MGAT4A: variants seen among roughly 807,000 people sequenced by gnomAD.
MGAT4A encodes the protein N-acetylglucosaminyltransferase IVa.
A neutral mutation model predicts 74.1 loss-of-function variants in MGAT4A; 33 were observed. The observed-to-expected ratio is 0.45, with a 90% CI of 0.34 to 0.60. MGAT4A has a LOEUF of 0.60. Among genes scored for constraint, MGAT4A ranks in the 20% least tolerant of loss-of-function variants. The pLI is 0.02. For missense variants in MGAT4A, 479 were observed against 628.3 expected (o/e 0.76, Z 2.54); for synonymous variants, 198 against 210.4 (o/e 0.94, Z 0.51).
At chr2:98,704,143 C>T (rs113026133) in intron 2 of MGAT4A, among the ~76,000 whole-genome samples, 6 of 152,172 alleles carry the variant, frequency 3.9e-5, no homozygotes, top group African/African-American at 1.2e-4. Context: ...ACCTAGTACA[C>T]GCTCAATAAA....
At chr2:98,678,643 A>G (rs557755523) in intron 2 of MGAT4A, among the ~76,000 whole-genome samples, 172 bp from the exon 3 acceptor site, 7 of 152,288 alleles carry the variant, frequency 4.6e-5, no homozygotes, top group African/African-American at 1.7e-4. Flanking sequence ...CAAAGTTTAT[A>G]TGCTCTTATT....
At chr2:98,644,652 A>G (rs921537215) in intron 9 of MGAT4A, among the ~76,000 whole-genome samples, 7 of 146,952 alleles carry the variant, frequency 4.8e-5, no homozygotes, top group Admixed American at 4.1e-4. Flanking sequence ...TTTTTTTTTT[A>G]GATTGAGTCT....
chr2:98,632,713 C>T (rs1701258943), intron 14 of MGAT4A, among the ~76,000 whole-genome samples: 1 of 152,218 alleles, frequency 6.6e-6, no homozygotes, highest in Admixed American at 6.5e-5. Context: ...CTTGGAGTGA[C>T]ACCTTGCTTT....
intron 13 of MGAT4A, among the ~76,000 whole-genome samples, chr2:98,635,794 C>T (rs1701309921): frequency 6.6e-6 from 1 of 151,654 alleles, no homozygotes; most frequent in South Asian, 2.1e-4. Flanking sequence ...AGATCAAGAC[C>T]ATCCTGGCCA....
intron 14 of MGAT4A, among the ~76,000 whole-genome samples, chr2:98,627,806 T>C (rs1326735026): frequency 6.6e-6 from 1 of 152,242 alleles, no homozygotes; most frequent in Non-Finnish European, 1.5e-5. Context: ...TGAACTGCTG[T>C]GTGGCAGGGC....
intron 10 of MGAT4A, among the ~76,000 whole-genome samples, chr2:98,640,910 T>C (rs1701398065): frequency 6.6e-6 from 1 of 152,214 alleles, no homozygotes; most frequent in African/African-American, 2.4e-5. Flanking sequence ...ATAATGAATT[T>C]GCAAATTATA....
At chr2:98,671,227 G>A (rs896086907) in intron 4 of MGAT4A, among the ~76,000 whole-genome samples, 13 of 152,060 alleles carry the variant, frequency 8.5e-5, no homozygotes, top group Admixed American at 2.6e-4. Context: ...CTGCTACCTC[G>A]TCCAAGTTCC....
chr2:98,640,177 G>T lies in MGAT4A; in HGVS notation c.1072C>A (p.Leu358Ile). ...ANLRIRFRPSLFQHVGLHSSL... is the reference protein window; with the variant it reads ...ANLRIRFRPSIFQHVGLHSSL... ...GAGTGCAGACCAACATGTTGGAAAA[G>T]GGAAGGTCTGAAGCGAATTCGCAGA... The change falls in exon 11 of 16, where the codon CTT becomes ATT. Residue 358 changes from leucine to isoleucine, a missense_variant. Leu to Ile is a conservative substitution (Grantham distance 5, BLOSUM62 2). Transcript: ENST00000393487. 6.2e-7 allele frequency: 1 copy of T among 1,614,022 alleles called. No homozygotes were observed. Among genetic ancestry groups the T allele is most frequent in the Non-Finnish European group, 8.5e-7 (1 of 1,179,958 alleles).
At chr2:98,649,243 C>T (rs996195751) in intron 8 of MGAT4A, among the ~76,000 whole-genome samples, 3 of 152,204 alleles carry the variant, frequency 2.0e-5, no homozygotes, top group Non-Finnish European at 4.4e-5. Context: ...TCAGACAGTA[C>T]ATACAGCATG....
At position 98,623,004 on chromosome 2, in the gene MGAT4A, C is replaced by T. The variant is rs954558672; in HGVS notation, c.*2562G>A. On this transcript the variant is annotated 3_prime_UTR_variant, in exon 16 of 16. Coordinates refer to ENST00000393487, the MANE Select transcript of MGAT4A (RefSeq NM_012214.3). Reference sequence around the variant, plus strand: ...CTGCACTCCAGCCTGGGCAACAAAGCGAGACCCTGTCTCAAAAATAATACA... The same window carrying T: ...CTGCACTCCAGCCTGGGCAACAAAGTGAGACCCTGTCTCAAAAATAATACA... 12 of 983,996 alleles carry T rather than the reference C, an allele frequency of 1.2e-5. No individual in the cohort carries two copies. The highest frequency in any genetic ancestry group is 1.8e-5 in the African/African-American group (1 of 57,140). The allele number at this position is 983,996 out of a possible 1,614,324, so 61.0% of individuals were successfully genotyped here. A position where few individuals can be genotyped will look rare whatever the true frequency, so the allele number is the denominator to read the frequency against.
rs961224963 is a variant in MGAT4A, at chr2:98,619,416, C to G, written c.*6150G>C. ...TCTGGTACAACCTGGCAAGGAGATT[C>G]CTCAGGCAGCTTCTCTAAGGGATGC... On this transcript the variant is annotated 3_prime_UTR_variant, in exon 16 of 16. Transcript: ENST00000393487. 1 of 152,096 alleles carries G rather than the reference C, an allele frequency of 6.6e-6. No homozygotes were observed. Among genetic ancestry groups the G allele is most frequent in the Non-Finnish European group, 1.5e-5 (1 of 68,000 alleles). The allele number at this position is 152,096 out of a possible 1,614,324, so 9.4% of individuals were successfully genotyped here.
intron 2 of MGAT4A, among the ~76,000 whole-genome samples, chr2:98,682,643 G>T (rs1038375159): frequency 6.6e-6 from 1 of 152,156 alleles, no homozygotes; most frequent in Non-Finnish European, 1.5e-5. Flanking sequence ...AGTGATCAAA[G>T]TTAAAGTTGG....
intron 14 of MGAT4A, among the ~76,000 whole-genome samples, chr2:98,631,780 G>A (rs928309823): frequency 5.9e-5 from 9 of 152,210 alleles, no homozygotes; most frequent in Non-Finnish European, 1.3e-4. Flanking sequence ...GGTACACCAA[G>A]GCAAGAGACC....
chr2:98,644,103 A>G, intron 9 of MGAT4A, 50 bp from the exon 10 acceptor site: 1 of 1,501,198 alleles, frequency 6.7e-7, no homozygotes, highest in East Asian at 2.4e-5. Context: ...CCAAGCACCA[A>G]AATGGCTTAC....
intron 12 of MGAT4A, among the ~76,000 whole-genome samples, chr2:98,639,054 A>G (rs1701364204): frequency 6.6e-6 from 1 of 152,168 alleles, no homozygotes; most frequent in African/African-American, 2.4e-5. Flanking sequence ...GGAGGCAGAC[A>G]TGGGTGGATC....
At chr2:98,697,293 A>T (rs1397713227) in intron 2 of MGAT4A, among the ~76,000 whole-genome samples, 2 of 152,222 alleles carry the variant, frequency 1.3e-5, no homozygotes. Flanking sequence ...AAAAAATTCC[A>T]ATCTCTCACA....
chr2:98,724,025 G>A (rs1301464717), intron 2 of MGAT4A, among the ~76,000 whole-genome samples: 1 of 152,180 alleles, frequency 6.6e-6, no homozygotes, highest in African/African-American at 2.4e-5. Flanking sequence ...TTACAGGCAA[G>A]CACTGTTATT....
intron 3 of MGAT4A, among the ~76,000 whole-genome samples, chr2:98,676,005 C>T (rs1379988226): frequency 6.6e-6 from 1 of 152,080 alleles, no homozygotes; most frequent in Admixed American, 6.6e-5. Flanking sequence ...TTTTCTCACT[C>T]CATTTTATAC....
intron 3 of MGAT4A, among the ~76,000 whole-genome samples, chr2:98,676,091 T>C (rs1701973683): frequency 6.6e-6 from 1 of 152,154 alleles, no homozygotes; most frequent in African/African-American, 2.4e-5. Context: ...GTAGTAGAAA[T>C]AATATTGTTT....
Sources: allele counts gnomAD v4.1 joint callset (sites outside exome capture counted in the v4.1 genomes callset), GRCh38; gene constraint gnomAD v4.1.1; transcripts MANE v1.5; gene names NCBI Gene and HGNC (gene_info 2026-07-23, HGNC 2026-07-21).